Variants in IGFBP7 observed in about 807,000 individuals in gnomAD.
IGFBP7 encodes insulin like growth factor binding protein 7, also known as insulin-like growth factor-binding protein 7.
Under a neutral mutation model 29.4 loss-of-function variants are expected in IGFBP7, and 31 were observed. The ratio of observed to expected loss-of-function variants is 1.05; its 90% CI spans 0.79 to 1.42. The LOEUF (loss-of-function observed/expected upper bound fraction) is 1.42. IGFBP7 is among the 40% of genes most tolerant of loss of function. The probability of loss-of-function intolerance (pLI) is 0.00; values close to 1 mark genes in which losing one functional copy is unlikely to be tolerated. For synonymous variants in IGFBP7, 172 were observed against 174.9 expected, an observed-to-expected ratio of 0.98 and a Z score of 0.13; for missense variants, 393 against 395.5, an observed-to-expected ratio of 0.99 and a Z score of 0.05.
chr4:57,098,902 C>A (rs187203410), intron 1 of IGFBP7, among the ~76,000 whole-genome samples: 1 of 152,346 alleles, frequency 6.6e-6, no homozygotes, highest in African/African-American at 2.4e-5. Flanking sequence ...GGAGAAGGAA[C>A]AGGCTCTGAA....
At chr4:57,069,245 T>C (rs528939749) in intron 1 of IGFBP7, among the ~76,000 whole-genome samples, 2 of 151,944 alleles carry the variant, frequency 1.3e-5, no homozygotes, top group Non-Finnish European at 1.5e-5. Context: ...GACTGCCCAT[T>C]TGGGGTCTTG....
At chr4:57,088,142 G>T (rs5002006) in intron 1 of IGFBP7, among the ~76,000 whole-genome samples, 127,016 of 151,096 alleles carry the variant, frequency 0.84, 53,525 homozygotes, top group Middle Eastern at 0.92. Context: ...CTAATCTTTT[G>T]TTTTGTTTTG....
At chr4:57,058,101 T>C (rs1304244005) in intron 1 of IGFBP7, among the ~76,000 whole-genome samples, 2 of 151,308 alleles carry the variant, frequency 1.3e-5, no homozygotes, top group African/African-American at 4.8e-5. Context: ...TGGGTAATTT[T>C]TTTTAATCAG....
At chr4:57,036,470 C>A (rs567255479) in intron 2 of IGFBP7, among the ~76,000 whole-genome samples, 1 of 152,142 alleles carries the variant, frequency 6.6e-6, no homozygotes, top group African/African-American at 2.4e-5. Context: ...AAACAGAGAG[C>A]CTCTCCGTCT....
At position 57,110,038 on chromosome 4, in the gene IGFBP7, G is replaced by C. The variant is rs1243637444; in HGVS notation, c.314C>G (p.Pro105Arg). 4 of 1,558,548 alleles carry C rather than the reference G, an allele frequency of 2.6e-6. No homozygotes were observed. The East Asian group carries it at 7.1e-5, about 28-fold the overall frequency. Residue 105 changes from proline (P) to arginine (R), a missense_variant, in exon 1 of 5, where the codon CCG becomes CGG. Physicochemically the swap from Pro to Arg is moderately radical, Grantham distance 103 (BLOSUM62 -2). Transcript: ENST00000295666. ...GCACACGCACACGCCGCTTACACCC[G>C]GACCGCCGGCTGCTGCCCCGGCTTT... ...KGKAGAAAGG[P>R]GVSGVCVCKS... is the part of the protein sequence containing the mutation.
At chr4:57,108,779 C>T (rs1208768900) in intron 1 of IGFBP7, among the ~76,000 whole-genome samples, 3 of 152,060 alleles carry the variant, frequency 2.0e-5, no homozygotes, top group South Asian at 2.1e-4. Flanking sequence ...GAACTCCTGA[C>T]CTCGTGATCT....
chr4:57,040,598 T>C (rs1258773063), intron 2 of IGFBP7, among the ~76,000 whole-genome samples: 1 of 152,250 alleles, frequency 6.6e-6, no homozygotes, highest in African/African-American at 2.4e-5. Flanking sequence ...TCAGCATTAT[T>C]GTTCTTCCAG....
intron 1 of IGFBP7, among the ~76,000 whole-genome samples, chr4:57,103,927 A>T (rs1725962578): frequency 6.6e-6 from 1 of 151,910 alleles, no homozygotes. Flanking sequence ...ATCATGAGGG[A>T]CAATAGATCT....
At chr4:57,108,600 C>T (rs1726094414) in intron 1 of IGFBP7, among the ~76,000 whole-genome samples, 1 of 151,582 alleles carries the variant, frequency 6.6e-6, no homozygotes, top group South Asian at 2.1e-4. Flanking sequence ...GGAGTGCTGT[C>T]ATGTGATCTC....
At position 57,032,435 on chromosome 4, in the gene IGFBP7, CT is replaced by C; in HGVS notation, c.819del (p.Val274Ter). 1 of 1,612,742 alleles carries C rather than the reference CT, an allele frequency of 6.2e-7. No homozygotes were observed. On this transcript the variant is annotated frameshift_variant, in exon 4 of 5. Coordinates refer to ENST00000295666, the MANE Select transcript of IGFBP7 (RefSeq NM_001553.3). LOFTEE classifies it high-confidence loss of function. ...GAGATTTATTGTGTACCTTTTTTCA[CT>C]GGTATTTCATGTAAGGCATCAACCA... ...ITVVDALHEIPVKKGEGAEL is the reference protein window; with the variant it reads ...ITVVDALHEIXVKKGEGAEL
chr4:57,065,711 T>C (rs537515424), intron 1 of IGFBP7: 10 of 152,374 alleles, frequency 6.6e-5, no homozygotes, highest in Non-Finnish European at 1.5e-4. Flanking sequence ...CTGATTGGTA[T>C]AATGCACTTC....
At chr4:57,041,532 T>G (rs1040255416) in intron 1 of IGFBP7, among the ~76,000 whole-genome samples, 52 of 152,098 alleles carry the variant, frequency 3.4e-4, no homozygotes, top group South Asian at 2.1e-4. Flanking sequence ...TATTTTTAAT[T>G]TAATTTTATT....
At chr4:57,059,656 C>T (rs1713952) in intron 1 of IGFBP7, among the ~76,000 whole-genome samples, 148,493 of 152,264 alleles carry the variant, frequency 0.98, 72,513 homozygotes, top group East Asian at 1. Context: ...CTAGGCCTAA[C>T]ACCTGGGTGA....
intron 1 of IGFBP7, among the ~76,000 whole-genome samples, chr4:57,091,940 A>G (rs963925183): frequency 1.3e-5 from 2 of 152,256 alleles, no homozygotes; most frequent in African/African-American, 4.8e-5. Context: ...AACAGCACAT[A>G]TCAGAAACTG....
chr4:57,040,942 G>A lies in IGFBP7; in HGVS notation c.476-9C>T, dbSNP rs1166668773. On this transcript the variant is annotated splice_polypyrimidine_tract_variant and intron_variant, in intron 1 of 4. Coordinates refer to ENST00000295666, the MANE Select transcript of IGFBP7 (RefSeq NM_001553.3). ...CGTCACTATGGAAGGACCTGCAGGA[G>A]AGGGCACAAAGCCAAAGTCATCTTT... 2 of 1,585,710 alleles carry A rather than the reference G, an allele frequency of 1.3e-6. No individual in the cohort carries two copies. Among genetic ancestry groups the A allele is most frequent in the African/African-American group, 2.7e-5 (2 of 74,368 alleles).
intron 1 of IGFBP7, among the ~76,000 whole-genome samples, chr4:57,059,726 C>T (rs1262899813): frequency 1.3e-5 from 2 of 152,056 alleles, no homozygotes; most frequent in African/African-American, 4.8e-5. Flanking sequence ...CAAACCTGCA[C>T]ATGTACCCCC....
chr4:57,044,953 T>C (rs1724322337), intron 1 of IGFBP7, among the ~76,000 whole-genome samples: 1 of 152,162 alleles, frequency 6.6e-6, no homozygotes, highest in African/African-American at 2.4e-5. Context: ...CAAGTAATCC[T>C]CTTACTTCAG....
intron 1 of IGFBP7, among the ~76,000 whole-genome samples, chr4:57,077,653 C>T (rs1725259444): frequency 6.6e-6 from 1 of 152,222 alleles, no homozygotes; most frequent in African/African-American, 2.4e-5. Flanking sequence ...AATGCAAATG[C>T]TGGAATGCAG....
intron 1 of IGFBP7, among the ~76,000 whole-genome samples, chr4:57,058,166 C>A (rs1322684450): frequency 7.2e-5 from 11 of 152,154 alleles, no homozygotes; most frequent in Non-Finnish European, 1.5e-4. Flanking sequence ...ATAAATATTT[C>A]ATAAGGTTAG....
Sources: gnomAD v4.1 joint callset for allele counts (sites outside exome capture counted in the v4.1 genomes callset) on GRCh38, gnomAD v4.1.1 for gene constraint, MANE v1.5 for transcripts, NCBI Gene and HGNC (gene_info 2026-07-23, HGNC 2026-07-21) for gene names.